MBOAT1: variants seen among roughly 807,000 people sequenced by gnomAD.
The protein encoded by MBOAT1 is membrane bound glycerophospholipid O-acyltransferase 1.
In MBOAT1, 67 loss-of-function variants were observed where a neutral mutation model predicts 64.4. The ratio of observed to expected loss-of-function variants is 1.04; its 90% confidence interval spans 0.85 to 1.27. MBOAT1 has a LOEUF of 1.27. MBOAT1 is among the 50% of genes most tolerant of loss of function. The pLI, the probability that MBOAT1 is intolerant of heterozygous loss-of-function variation, is 0.00. For missense variants in MBOAT1, 563 were observed against 604.6 expected, an observed-to-expected ratio of 0.93 and a Z score of 0.72; for synonymous variants, 229 against 218.9, an observed-to-expected ratio of 1.05 and a Z score of -0.41.
At position 20,171,628 on chromosome 6, in the gene MBOAT1, T is replaced by G. The variant is rs76488994; in HGVS notation, c.100-18859A>C. 6.6e-5 allele frequency among the ~76,000 whole-genome samples: 10 copies of G among 152,348 alleles called. No homozygotes were observed. The East Asian group carries it at 1.7e-3, about 26-fold the overall frequency. The stretch of plus-strand genomic sequence containing the variant: ...GGAAATGATTAATTCAAACCCAATC[T>G]GATTTCCAATCAAATCCTCACTCCC... On this transcript the variant is annotated intron_variant, in intron 1 of 12. Coordinates refer to ENST00000324607, the MANE Select transcript of MBOAT1 (RefSeq NM_001080480.3).
chr6:20,109,753 C>G lies in MBOAT1; in HGVS notation c.1210-4G>C. 1 of 1,612,074 alleles carries G rather than the reference C, an allele frequency of 6.2e-7. No individual in the cohort carries two copies. Among genetic ancestry groups the G allele is most frequent in the South Asian group, 1.1e-5 (1 of 90,988 alleles). ...AATGTCTGTAGTTGTTCCTGACCTG[C>G]AGGCCAACACAGGCAACAGTAGTGA... On this transcript the variant is annotated splice_polypyrimidine_tract_variant and splice_region_variant and intron_variant, in intron 11 of 12. Coordinates refer to ENST00000324607, the MANE Select transcript of MBOAT1 (RefSeq NM_001080480.3).
At chr6:20,141,768 G>A (rs1413059380) in intron 4 of MBOAT1, among the ~76,000 whole-genome samples, 4 of 152,146 alleles carry the variant, frequency 2.6e-5, no homozygotes, top group Non-Finnish European at 5.9e-5. Context: ...TCAGGAAGGC[G>A]TTGCAGGCTT....
intron 1 of MBOAT1, 131 bp downstream of exon 1, chr6:20,212,001 CACAA>C: frequency 1.4e-6 from 1 of 709,406 alleles, no homozygotes; most frequent in Non-Finnish European, 2.3e-6. Context: ...CACACACACA[CACAA>C]AAACCAACTG....
chr6:20,161,546 C>T (rs144353863), intron 1 of MBOAT1, among the ~76,000 whole-genome samples: 11 of 152,112 alleles, frequency 7.2e-5, no homozygotes, highest in African/African-American at 2.4e-4. Context: ...CAATAAATGC[C>T]GTTTATCCAG....
rs760372995 is a variant in MBOAT1 at position 20,124,462 on chromosome 6, A to G, written c.853T>C (p.Leu285=). 5.0e-6 allele frequency: 8 copies of G among 1,614,218 alleles called. No homozygotes were observed. Among genetic ancestry groups the G allele is most frequent in the Non-Finnish European group, 3.4e-6 (4 of 1,180,026 alleles). The part of the protein sequence containing the change: ...KASFPARLCY[L]YVVMQASKPK... ...TTTGAGGCTTGCATGACAACATATA[A>G]GTAGCAGAGTCGAGCCGGAAAGCTT... The change falls in exon 8 of 13, where the codon TTA becomes CTA. Residue 285 remains leucine (L), a synonymous_variant. Coordinates refer to ENST00000324607, the MANE Select transcript of MBOAT1 (RefSeq NM_001080480.3).
intron 1 of MBOAT1, among the ~76,000 whole-genome samples, chr6:20,205,716 C>G (rs900318691): frequency 1.3e-5 from 2 of 152,136 alleles, no homozygotes; most frequent in East Asian, 1.9e-4. Context: ...CATCGTACCC[C>G]CAACACATCT....
At chr6:20,208,863 AT>A (rs1333887341) in intron 1 of MBOAT1, among the ~76,000 whole-genome samples, 2 of 152,244 alleles carry the variant, frequency 1.3e-5, no homozygotes, top group Admixed American at 6.5e-5. Context: ...AACACTTTCC[AT>A]TTCAGCTTTC....
intron 10 of MBOAT1, among the ~76,000 whole-genome samples, chr6:20,113,991 A>G (rs1760249447): frequency 6.6e-6 from 1 of 152,174 alleles, no homozygotes; most frequent in Non-Finnish European, 1.5e-5. Flanking sequence ...AGATGAACAC[A>G]GGACTGAGAC....
intron 1 of MBOAT1, among the ~76,000 whole-genome samples, chr6:20,182,959 A>T (rs1762551851): frequency 6.6e-6 from 1 of 152,228 alleles, no homozygotes; most frequent in Non-Finnish European, 1.5e-5. Context: ...CAGATAGAAC[A>T]GTTTCAGAAA....
chr6:20,184,029 C>T (rs937879816), intron 1 of MBOAT1, among the ~76,000 whole-genome samples: 8 of 152,220 alleles, frequency 5.3e-5, no homozygotes, highest in African/African-American at 1.7e-4. Flanking sequence ...AATTATCTCC[C>T]CCTGTGTCCC....
chr6:20,110,952 C>T (rs905385203), intron 11 of MBOAT1, among the ~76,000 whole-genome samples: 4 of 152,148 alleles, frequency 2.6e-5, no homozygotes, highest in African/African-American at 4.8e-5. Context: ...ACTATTACTA[C>T]TAATACAAGC....
chr6:20,192,595 A>AG (rs778730813), intron 1 of MBOAT1, among the ~76,000 whole-genome samples: 3 of 152,218 alleles, frequency 2.0e-5, no homozygotes, highest in Non-Finnish European at 2.9e-5. Context: ...TAACAATGAA[A>AG]CCTTTTCTCT....
chr6:20,164,105 TATA>T (rs1023243952), intron 1 of MBOAT1, among the ~76,000 whole-genome samples: 5 of 151,570 alleles, frequency 3.3e-5, no homozygotes, highest in South Asian at 2.1e-4. Context: ...ATGTTTACTA[TATA>T]ATGTGTGTGT....
chr6:20,149,204 G>T (rs1761420040), intron 3 of MBOAT1, among the ~76,000 whole-genome samples: 1 of 151,910 alleles, frequency 6.6e-6, no homozygotes, highest in Non-Finnish European at 1.5e-5. Flanking sequence ...GTAATACTGT[G>T]GTGGCACCGT....
chr6:20,144,411 G>A (rs918513549), intron 3 of MBOAT1, 96 bp from the exon 4 acceptor site: 1 of 807,386 alleles, frequency 1.2e-6, no homozygotes, highest in Non-Finnish European at 2.1e-6. Flanking sequence ...TTCACGTGCA[G>A]TTGGTCACAA....
intron 7 of MBOAT1, 90 bp from the exon 8 acceptor site, chr6:20,124,690 C>G: frequency 8.6e-7 from 1 of 1,159,280 alleles, no homozygotes; most frequent in Non-Finnish European, 1.2e-6. Flanking sequence ...GACAACGTTG[C>G]TCCAACAGCT....
chr6:20,168,955 GAGA>G (rs1581440365), intron 1 of MBOAT1, among the ~76,000 whole-genome samples: 1 of 152,192 alleles, frequency 6.6e-6, no homozygotes, highest in East Asian at 1.9e-4. Context: ...TTTAAAGAGA[GAGA>G]AGAAAACGAT....
chr6:20,119,088 T>C (rs1055171402), intron 8 of MBOAT1, among the ~76,000 whole-genome samples: 3 of 152,072 alleles, frequency 2.0e-5, no homozygotes, highest in African/African-American at 7.2e-5. Flanking sequence ...GACCCGCCGG[T>C]AGTGTATCAG....
Position 20,100,714 on chromosome 6 carries a change from T to C in MBOAT1, c.*1572A>G, listed in dbSNP as rs1759762923. Reference sequence around the variant, plus strand: ...ATTCCCATCAGAAACATTTCTTTTATATGGGAACATACTGTTTATTCAATA... The same window carrying C: ...ATTCCCATCAGAAACATTTCTTTTACATGGGAACATACTGTTTATTCAATA... On this transcript the variant is annotated 3_prime_UTR_variant, in exon 13 of 13. Transcript: ENST00000324607. Among the ~76,000 whole-genome samples the C allele has an allele frequency of 6.6e-6, 1 of 152,250 alleles. No individual in the cohort carries two copies. The highest frequency in any genetic ancestry group is 2.4e-5 in the African/African-American group (1 of 41,468).
Sources: allele counts gnomAD v4.1 joint callset (sites outside exome capture counted in the v4.1 genomes callset), GRCh38; gene constraint gnomAD v4.1.1; transcripts MANE v1.5; gene names NCBI Gene and HGNC (gene_info 2026-07-23, HGNC 2026-07-21).